The following FMN1 variants were observed in gnomAD, a reference collection of about 807,000 sequenced individuals.
FMN1 encodes formin 1, also known as formin-1.
A neutral mutation model predicts 132.4 loss-of-function variants in FMN1; 110 were observed. The ratio of observed to expected loss-of-function variants is 0.83; its 90% confidence interval spans 0.71 to 0.97. The LOEUF is 0.97. Ranked by LOEUF, FMN1 falls within the 50% of genes least tolerant of loss-of-function variation. The probability of loss-of-function intolerance (pLI) is 0.00; values close to 1 mark genes in which losing one functional copy is unlikely to be tolerated. For synonymous variants in FMN1, 722 were observed against 651.7 expected, an observed-to-expected ratio of 1.11 and a Z score of -1.64; for missense variants, 1,792 against 1,705.3, an observed-to-expected ratio of 1.05 and a Z score of -0.90.
intron 4 of FMN1, among the ~76,000 whole-genome samples, chr15:33,146,988 C>T (rs1175525776): frequency 6.6e-6 from 1 of 151,992 alleles, no homozygotes; most frequent in Non-Finnish European, 1.5e-5. Flanking sequence ...GCCTGGCCAA[C>T]GTGGTGAAAT....
At chr15:33,117,657 T>C (rs1208484725) in intron 4 of FMN1, among the ~76,000 whole-genome samples, 1 of 151,604 alleles carries the variant, frequency 6.6e-6, no homozygotes, top group Admixed American at 6.6e-5. Context: ...GTGATTCCAA[T>C]AAATAAACAT....
chr15:33,099,895 C>T (rs574734017), intron 4 of FMN1, among the ~76,000 whole-genome samples: 15 of 152,244 alleles, frequency 9.9e-5, no homozygotes, highest in African/African-American at 3.6e-4. Flanking sequence ...TGTCTTTCTC[C>T]CAGAATACAC....
At chr15:33,123,298 CCTTTGCTCAAAGGCCTT>C (rs1368757140) in intron 4 of FMN1, among the ~76,000 whole-genome samples, 1 of 151,986 alleles carries the variant, frequency 6.6e-6, no homozygotes, top group East Asian at 1.9e-4. Flanking sequence ...TCATGTCACT[CCTTTGCTCAAAGGCCTT>C]CCATAGCTTT....
At chr15:32,820,102 C>G (rs1047892077) in intron 17 of FMN1, among the ~76,000 whole-genome samples, 5 of 152,118 alleles carry the variant, frequency 3.3e-5, no homozygotes, top group Non-Finnish European at 5.9e-5. Flanking sequence ...CAAAATCCAT[C>G]AATACAACCT....
At chr15:33,145,937 G>A (rs1324792025) in intron 4 of FMN1, among the ~76,000 whole-genome samples, 1 of 151,280 alleles carries the variant, frequency 6.6e-6, no homozygotes, top group Non-Finnish European at 1.5e-5. Flanking sequence ...TGAATGAACT[G>A]ATTTGTGACT....
chr15:32,844,028 T>A (rs2058803479), intron 17 of FMN1, among the ~76,000 whole-genome samples: 1 of 152,206 alleles, frequency 6.6e-6, no homozygotes, highest in Non-Finnish European at 1.5e-5. Context: ...GAAAGGTAGA[T>A]CTACTTCTCA....
chr15:32,996,603 T>C (rs2033784618), intron 7 of FMN1, among the ~76,000 whole-genome samples: 1 of 152,194 alleles, frequency 6.6e-6, no homozygotes, highest in African/African-American at 2.4e-5. Flanking sequence ...TCCTTATATA[T>C]AAAGACTGGC....
At chr15:32,936,311 A>T (rs996636134) in intron 9 of FMN1, among the ~76,000 whole-genome samples, 3 of 152,192 alleles carry the variant, frequency 2.0e-5, no homozygotes, top group Non-Finnish European at 4.4e-5. Flanking sequence ...TGTGAAAAAG[A>T]AGTCACCATT....
intron 6 of FMN1, among the ~76,000 whole-genome samples, chr15:33,058,121 G>T (rs73376695): frequency 0.11 from 13,358 of 122,858 alleles, 712 homozygotes; most frequent in South Asian, 0.16. Flanking sequence ...GGGGCTGCTG[G>T]TGGAGGAGGC....
At chr15:32,957,175 A>T (rs1283638311) in intron 9 of FMN1, among the ~76,000 whole-genome samples, 2 of 152,082 alleles carry the variant, frequency 1.3e-5, no homozygotes, top group Non-Finnish European at 2.9e-5. Flanking sequence ...ACAAACAGAG[A>T]TGATTTATAA....
intron 9 of FMN1, among the ~76,000 whole-genome samples, chr15:32,929,855 G>A (rs2061061534): frequency 6.6e-6 from 1 of 150,380 alleles, no homozygotes; most frequent in Non-Finnish European, 1.5e-5. Context: ...CATTTAGGTT[G>A]TCTCCATCTC....
rs1475241875 is a variant in FMN1 at position 32,969,199 on chromosome 15, A to T, written c.2502T>A (p.Asn834Lys). The change falls in exon 8 of 21, where the codon AAT becomes AAA. Residue 834 changes from asparagine to lysine, a missense_variant. Asn to Lys is a moderately conservative substitution (Grantham distance 94). Around this residue, in one of 3 missense-constraint regions of FMN1, gnomAD observed 1,150 missense variants for 1,043.1 expected, o/e 1.10. Transcript: ENST00000616417. ...RSNQLVPKKL[N>K]ISSLSQLSPP... ...GTGAGAGCTGGCTTAAAGAGGAGAT[A>T]TTCAGCTTTTTGGGTACTAATTGAT... 6.2e-7 allele frequency: 1 copy of T among 1,613,816 alleles called. No homozygotes were observed. Among genetic ancestry groups the T allele is most frequent in the Admixed American group, 1.7e-5 (1 of 60,008 alleles).
intron 6 of FMN1, among the ~76,000 whole-genome samples, chr15:33,022,153 A>G (rs2035445825): frequency 6.6e-6 from 1 of 152,228 alleles, no homozygotes; most frequent in Non-Finnish European, 1.5e-5. Context: ...AATACCTAAT[A>G]CAACGTCAAT....
At chr15:32,938,051 G>C (rs2061319404) in intron 9 of FMN1, among the ~76,000 whole-genome samples, 1 of 151,998 alleles carries the variant, frequency 6.6e-6, no homozygotes, top group Non-Finnish European at 1.5e-5. Flanking sequence ...GAGGAAAAAA[G>C]AAACTTGAAG....
chr15:33,063,376 C>T (rs1375549002), intron 6 of FMN1: 1 of 152,374 alleles, frequency 6.6e-6, no homozygotes, highest in African/African-American at 2.4e-5. Flanking sequence ...GCAGCTGCCT[C>T]CACACCACTC....
At chr15:32,776,687 C>CTTCTT (rs760790135) in intron 20 of FMN1, 148 bp downstream of exon 20, 41 of 454,298 alleles carry the variant, frequency 9.0e-5, no homozygotes, top group African/African-American at 8.6e-4. Flanking sequence ...CCCACACATA[C>CTTCTT]TTTTTTTTTT....
At position 32,783,575 on chromosome 15, in the gene FMN1, C is replaced by T. The variant is rs566449464; in HGVS notation, c.4131-6656G>A. Among the ~76,000 whole-genome samples the T allele has an allele frequency of 5.3e-5, 8 of 151,832 alleles. 1 individual carries two copies. The South Asian group carries it at 8.3e-4, about 16-fold the overall frequency. ...TGGCTAACACAGTGAATCCCCATCT[C>T]GACTAAAAATACAAAAAATTAGCCA... On this transcript the variant is annotated intron_variant, in intron 19 of 20. Coordinates refer to ENST00000616417, the MANE Select transcript of FMN1 (RefSeq NM_001277313.2).
At chr15:33,082,020 G>GGTGTGTGTGTGTGTGTGTGTGT (rs57369569) in intron 5 of FMN1, among the ~76,000 whole-genome samples, 2 of 117,762 alleles carry the variant, frequency 1.7e-5, no homozygotes, top group African/African-American at 6.8e-5. Context: ...AGAGTTCAGG[G>GGTGTGTGTGTGTGTGTGTGTGT]GTGTGTGTGT....
intron 19 of FMN1, among the ~76,000 whole-genome samples, chr15:32,795,347 T>C (rs1313370249): frequency 1.3e-5 from 2 of 152,130 alleles, no homozygotes; most frequent in Non-Finnish European, 2.9e-5. Context: ...TTGCTTGAAA[T>C]ATCTTCCAAT....
Sources: gnomAD v4.1 joint callset for allele counts (sites outside exome capture counted in the v4.1 genomes callset) on GRCh38, gnomAD v4.1.1 for gene constraint, gnomAD v4.1.1 regional missense constraint, MANE v1.5 for transcripts, NCBI Gene and HGNC (gene_info 2026-07-23, HGNC 2026-07-21) for gene names.